The following PCSK5 variants were observed in gnomAD, a reference collection of about 807,000 sequenced individuals.
PCSK5 encodes the protein prohormone convertase 5.
PCSK5 carries 129 observed loss-of-function variants against 233.2 expected under a neutral mutation model. The observed-to-expected ratio is 0.55, with a 90% CI of 0.48 to 0.64. The LOEUF (loss-of-function observed/expected upper bound fraction) is 0.64. Ranked by LOEUF, PCSK5 falls within the 30% of genes least tolerant of loss-of-function variation. PCSK5 has a pLI of 0.00. For missense variants in PCSK5, 2,076 were observed against 2,430.1 expected (o/e 0.85, Z 3.06); for synonymous variants, 825 against 879.2 (o/e 0.94, Z 1.09).
chr9:75,994,868 C>T (rs916509578), intron 3 of PCSK5, among the ~76,000 whole-genome samples: 2 of 152,194 alleles, frequency 1.3e-5, no homozygotes, highest in Admixed American at 6.5e-5. Flanking sequence ...GAAAAGACTT[C>T]CCACTGTTTT....
intron 5 of PCSK5, among the ~76,000 whole-genome samples, chr9:76,042,858 C>T (rs1005503745): frequency 5.3e-5 from 8 of 152,088 alleles, no homozygotes; most frequent in African/African-American, 1.7e-4. Context: ...GAACGTGCAT[C>T]GCAACAGCCT....
intron 20 of PCSK5, among the ~76,000 whole-genome samples, chr9:76,218,887 C>CT (rs1825633050): frequency 6.6e-6 from 1 of 152,274 alleles, no homozygotes; most frequent in South Asian, 2.1e-4. Context: ...CACACTTCGT[C>CT]TTTTTGAAAG....
At chr9:76,117,395 A>G (rs761671509) in intron 9 of PCSK5, among the ~76,000 whole-genome samples, 4 of 152,118 alleles carry the variant, frequency 2.6e-5, no homozygotes, top group Non-Finnish European at 5.9e-5. Context: ...ATGGTAGGGT[A>G]AGAGTAGGAA....
intron 37 of PCSK5, 128 bp downstream of exon 37, chr9:76,354,347 A>G: frequency 1.5e-6 from 1 of 674,710 alleles, no homozygotes; most frequent in Non-Finnish European, 2.5e-6. Flanking sequence ...AGTGCCTACT[A>G]TGGGCCTACT....
intron 1 of PCSK5, among the ~76,000 whole-genome samples, chr9:75,901,510 A>T (rs1247729386): frequency 6.6e-6 from 1 of 151,934 alleles, no homozygotes; most frequent in African/African-American, 2.4e-5. Flanking sequence ...TAGGACAGAT[A>T]CCTAATGCAT....
intron 12 of PCSK5, among the ~76,000 whole-genome samples, chr9:76,161,425 GGAAGGCCTTTAT>G (rs1489075338): frequency 1.3e-5 from 2 of 150,540 alleles, no homozygotes; most frequent in African/African-American, 4.9e-5. Context: ...CCGAAGCTAG[GGAAGGCCTTTAT>G]TTCTTGCTTT....
rs71372046 is a variant in PCSK5, at chr9:76,097,246, C to CTTTTTTTTTTTT, written c.1107+1157_1107+1168dup. On this transcript the variant is annotated intron_variant, in intron 8 of 37. Transcript: ENST00000674117. ...CCGCGCCCAGCCAAAAAGTGCATTTCTTTTTTTTTTTTTTTTTTTTTTTTG... is the reference window on the plus strand; with the variant it reads ...CCGCGCCCAGCCAAAAAGTGCATTTCTTTTTTTTTTTTTTTTTTTTTTTTTTTTTTTTTTTTG... Among the ~76,000 whole-genome samples the CTTTTTTTTTTTT allele has an allele frequency of 2.2e-4, 15 of 67,328 alleles. 3 individuals carry two copies. The highest frequency in any genetic ancestry group is 7.8e-4 in the African/African-American group (12 of 15,422). 44.2% of individuals were successfully genotyped at this position (67,328 alleles called of 152,430 possible). A position where few individuals can be genotyped will look rare whatever the true frequency, so the allele number is the denominator to read the frequency against.
chr9:76,030,581 A>T (rs1391204713), intron 5 of PCSK5, among the ~76,000 whole-genome samples: 1 of 151,732 alleles, frequency 6.6e-6, no homozygotes, highest in Non-Finnish European at 1.5e-5. Context: ...CTAATAACAA[A>T]TTTATATGAC....
At chr9:76,042,836 G>A (rs547709975) in intron 5 of PCSK5, among the ~76,000 whole-genome samples, 76 of 152,286 alleles carry the variant, frequency 5.0e-4, no homozygotes, top group African/African-American at 1.8e-3. Flanking sequence ...TGTTCCTTGA[G>A]ATGTTTTTAA....
At chr9:75,970,463 CA>C (rs1825770292) in intron 2 of PCSK5, among the ~76,000 whole-genome samples, 2 of 152,204 alleles carry the variant, frequency 1.3e-5, no homozygotes, top group Non-Finnish European at 2.9e-5. Context: ...CTCTACTCAT[CA>C]GACAGTTCTC....
rs75043415 is a variant in PCSK5, at chr9:76,193,600, A to G, written c.2626+3854A>G. 1,340 of 386,870 alleles carry G rather than the reference A, an allele frequency of 3.5e-3. 11 individuals carry two copies. Among genetic ancestry groups the G allele is most frequent in the Non-Finnish European group, 3.0e-3 (660 of 217,268 alleles). The allele number at this position is 386,870 out of a possible 1,614,324, so 24.0% of individuals were successfully genotyped here. A position where few individuals can be genotyped will look rare whatever the true frequency, so the allele number is the denominator to read the frequency against. ...TATAACTGGGTGTTTAGTGCTAAAC[A>G]GCCAGAACCACAGAGACAGTATTGT... is the stretch of plus-strand genomic sequence containing the variant. On this transcript the variant is annotated intron_variant, in intron 20 of 37. Transcript: ENST00000674117.
Position 76,349,288 on chromosome 9 carries a change from AAAAG to A in PCSK5, c.4967-1536_4967-1533del, listed in dbSNP as rs1181956748. 4.0e-3 allele frequency among the ~76,000 whole-genome samples: 243 copies of A among 61,034 alleles called. 2 individuals carry two copies. Among genetic ancestry groups the A allele is most frequent in the Non-Finnish European group, 8.1e-3 (161 of 19,908 alleles). The allele number at this position is 61,034 out of a possible 152,430, so 40.0% of individuals were successfully genotyped here. On this transcript the variant is annotated intron_variant, in intron 35 of 37. Transcript: ENST00000674117. ...GACTCTGTCTCAAAAAAAAAAAAAAAAAAGAAAAAAGAAAAAGAAAAATGTAGAA... is the reference window on the plus strand; with the variant it reads ...GACTCTGTCTCAAAAAAAAAAAAAAAAAAAAAGAAAAAGAAAAATGTAGAA...
In PCSK5 at chr9:76,059,606, AAATAGGGAATCC is replaced by A. The variant is rs533008211; in HGVS notation, c.633-8348_633-8337del. On this transcript the variant is annotated intron_variant, in intron 5 of 37. Coordinates refer to ENST00000674117, the MANE Select transcript of PCSK5 (RefSeq NM_001372043.1). ...GCCAGTTTTCCCAGCACCATCTATT[AAATAGGGAATCC>A]TTTCCCCATTTCTTGTTTTTGTCAG... Among the ~76,000 whole-genome samples, 9 of 152,240 alleles carry A rather than the reference AAATAGGGAATCC, an allele frequency of 5.9e-5. No individual in the cohort carries two copies. The South Asian group carries it at 1.9e-3, about 32-fold the overall frequency.
In PCSK5 at chr9:76,279,062, CT is replaced by C. The variant is rs1234156071; in HGVS notation, c.3143-13170del. Among the ~76,000 whole-genome samples the C allele has an allele frequency of 2.5e-5, 3 of 120,824 alleles. No homozygotes were observed. The East Asian group carries it at 8.9e-4, about 36-fold the overall frequency. The allele number at this position is 120,824 out of a possible 152,430, so 79.3% of individuals were successfully genotyped here. A position where few individuals can be genotyped will look rare whatever the true frequency, so the allele number is the denominator to read the frequency against. ...TGTCTCCCAATGCTATCCCTCCCCC[CT>C]CCCCCCACCCCACCACAGTCCCCAG... is the stretch of plus-strand genomic sequence containing the variant. On this transcript the variant is annotated intron_variant, in intron 24 of 37. Transcript: ENST00000674117.
chr9:75,988,805 T>C (rs1038749320), intron 3 of PCSK5, among the ~76,000 whole-genome samples: 1 of 152,184 alleles, frequency 6.6e-6, no homozygotes, highest in Non-Finnish European at 1.5e-5. Flanking sequence ...TTGCGAAATT[T>C]AGTTAACTTA....
rs148551305 is a variant in PCSK5 at position 76,321,522 on chromosome 9, G to A, written c.3985G>A (p.Val1329Ile). The change falls in exon 31 of 38, where the codon GTC becomes ATC. Residue 1329 changes from valine (V) to isoleucine (I), a missense_variant. Physicochemically the swap from Val to Ile is conservative, Grantham distance 29. Transcript: ENST00000674117. ...TNCHSCEGGH[V>I]LHHGVCQENC... ...CTGCCATTCTTGTGAAGGAGGCCAC[G>A]TCCTGCACCACGGAGTGTGCCAGGA... 1.6e-5 allele frequency: 26 copies of A among 1,611,978 alleles called. No homozygotes were observed. The highest frequency in any genetic ancestry group is 6.7e-5 in the East Asian group (3 of 44,876).
intron 21 of PCSK5, among the ~76,000 whole-genome samples, chr9:76,227,862 C>A (rs758808446): frequency 3.9e-5 from 6 of 152,128 alleles, no homozygotes; most frequent in Non-Finnish European, 5.9e-5. Context: ...AATAGGGTGC[C>A]TTTGATGCCT....
chr9:75,957,687 A>G (rs1010023257), intron 2 of PCSK5, among the ~76,000 whole-genome samples: 7 of 152,184 alleles, frequency 4.6e-5, no homozygotes, highest in Non-Finnish European at 1.0e-4. Context: ...TCTAACCTGC[A>G]TGTCTAGCCA....
chr9:76,134,379 T>A (rs971850160), intron 10 of PCSK5, among the ~76,000 whole-genome samples, 167 bp downstream of exon 10: 7 of 152,042 alleles, frequency 4.6e-5, no homozygotes, highest in Admixed American at 4.6e-4. Context: ...TTTTTTAAGT[T>A]AAAACTACAC....
Sources: gnomAD v4.1 joint callset for allele counts (sites outside exome capture counted in the v4.1 genomes callset) on GRCh38, gnomAD v4.1.1 for gene constraint, MANE v1.5 for transcripts, NCBI Gene and HGNC (gene_info 2026-07-23, HGNC 2026-07-21) for gene names.